Variants in CCAR1 observed in about 807,000 individuals in gnomAD.
CCAR1 encodes the protein cell division cycle and apoptosis regulator protein 1.
In CCAR1, 78 loss-of-function variants were observed where a neutral mutation model predicts 163.8. The observed-to-expected ratio is 0.48, with a 90% CI of 0.40 to 0.57. CCAR1 has a LOEUF of 0.57. CCAR1 is among the 20% of genes least tolerant of loss of function. The probability of loss-of-function intolerance (pLI) is 0.00; values close to 1 mark genes in which losing one functional copy is unlikely to be tolerated. For missense variants in CCAR1, 1,019 were observed against 1,365.2 expected (o/e 0.75, Z 4.00); for synonymous variants, 443 against 460.7 (o/e 0.96, Z 0.49).
intron 2 of CCAR1, among the ~76,000 whole-genome samples, chr10:68,722,781 G>C (rs1220736356): frequency 6.6e-6 from 1 of 152,060 alleles, no homozygotes; most frequent in Non-Finnish European, 1.5e-5. Flanking sequence ...AATTAGCCGG[G>C]CCTGGTGGCA....
At chr10:68,746,707 AT>A (rs2133344998) in intron 6 of CCAR1, among the ~76,000 whole-genome samples, 1 of 151,884 alleles carries the variant, frequency 6.6e-6, no homozygotes, top group South Asian at 2.1e-4. Flanking sequence ...CCTCCTGAGT[AT>A]TTGGGATTAC....
intron 12 of CCAR1, among the ~76,000 whole-genome samples, 158 bp downstream of exon 12, chr10:68,754,985 C>T (rs906107099): frequency 2.0e-5 from 3 of 152,180 alleles, no homozygotes; most frequent in Admixed American, 6.5e-5. Flanking sequence ...ATGTTTTTCT[C>T]ATTGCAGATT....
chr10:68,749,519 T>C lies in CCAR1; in HGVS notation c.957-5T>C. 1 of 1,604,844 alleles carries C rather than the reference T, an allele frequency of 6.2e-7. No homozygotes were observed. The highest frequency in any genetic ancestry group is 8.5e-7 in the Non-Finnish European group (1 of 1,176,918). ...ATTAGTAATTTTAGAAAAATTTGCT[T>C]TCAGTCGTGAGAGAGAGAGAGAAAG... On this transcript the variant is annotated splice_region_variant and splice_polypyrimidine_tract_variant and intron_variant, in intron 9 of 24. Coordinates refer to ENST00000265872, the MANE Select transcript of CCAR1 (RefSeq NM_018237.4).
rs184878423 is a variant in CCAR1, at chr10:68,775,027, G to A, written c.2650+1928G>A. The A allele has an allele frequency of 1.0e-4, 34 of 341,212 alleles. No homozygotes were observed. The East Asian group carries it at 3.4e-3, about 34-fold the overall frequency. 21.1% of individuals were successfully genotyped at this position (341,212 alleles called of 1,614,324 possible). A position where few individuals can be genotyped will look rare whatever the true frequency, so the allele number is the denominator to read the frequency against. ...ACATTTTCTTCTCTCTACCATATCA[G>A]TTTTTAATATTGTTTAATGAAAAAG... On this transcript the variant is annotated intron_variant, in intron 19 of 24. Transcript: ENST00000265872.
At position 68,781,078 on chromosome 10, in the gene CCAR1, AC is replaced by A. The variant is rs2056729570; in HGVS notation, c.2651-5057del. Among the ~76,000 whole-genome samples, 9 of 152,140 alleles carry A rather than the reference AC, an allele frequency of 5.9e-5. No individual in the cohort carries two copies. The South Asian group carries it at 1.9e-3, about 32-fold the overall frequency. On this transcript the variant is annotated intron_variant, in intron 19 of 24. Coordinates refer to ENST00000265872, the MANE Select transcript of CCAR1 (RefSeq NM_018237.4). Reference sequence around the variant, plus strand: ...GAAACCCTGTCTCTACTAAAAATACACAAAATAGCCAGGTGTGGTGGTGTAC... The same window carrying A: ...GAAACCCTGTCTCTACTAAAAATACAAAAATAGCCAGGTGTGGTGGTGTAC...
Position 68,737,000 on chromosome 10 carries a change from T to G in CCAR1, c.198T>G (p.Thr66=). 6.2e-7 allele frequency: 1 copy of G among 1,613,894 alleles called. No individual in the cohort carries two copies. Among genetic ancestry groups the G allele is most frequent in the South Asian group, 1.1e-5 (1 of 91,072 alleles). Residue 66 remains threonine, a synonymous_variant, in exon 3 of 25, where the codon ACT becomes ACG. Coordinates refer to ENST00000265872, the MANE Select transcript of CCAR1 (RefSeq NM_018237.4). The part of the protein sequence containing the change: ...QTPANYQLTQ[T]AALQQQAAAA... ...CAGCAAACTATCAGTTAACACAAAC[T>G]GCTGCATTGCAGCAACAAGCCGCAG... is the stretch of plus-strand genomic sequence containing the variant.
intron 11 of CCAR1, among the ~76,000 whole-genome samples, chr10:68,754,338 G>C (rs2056372837): frequency 6.6e-6 from 1 of 152,168 alleles, no homozygotes; most frequent in African/African-American, 2.4e-5. Flanking sequence ...GAGATATTTG[G>C]AATGTTGTAT....
rs2056395116 is a variant in CCAR1, at chr10:68,756,133, G to A, written c.1626-140G>A. On this transcript the variant is annotated intron_variant, in intron 13 of 24. Transcript: ENST00000265872. The surrounding 1 kb of genome is among the most constrained non-coding windows in gnomAD (Gnocchi z 5.1). The stretch of plus-strand genomic sequence containing the variant: ...CAAATGTACCAAAAGAGGAACTATG[G>A]CTTCTATAATTTTTTTTTCTTTAGA... 1.6e-6 allele frequency: 1 copy of A among 614,206 alleles called. No homozygotes were observed. Among genetic ancestry groups the A allele is most frequent in the African/African-American group, 1.9e-5 (1 of 53,942 alleles). 38.0% of individuals were successfully genotyped at this position (614,206 alleles called of 1,614,324 possible).
intron 5 of CCAR1, 124 bp downstream of exon 5, chr10:68,740,785 T>C: frequency 1.4e-6 from 1 of 700,668 alleles, no homozygotes. Context: ...AATTTAGGAA[T>C]ATAATGCTAA....
Position 68,744,766 on chromosome 10 carries a change from T to G in CCAR1, c.518+2197T>G, listed in dbSNP as rs564614112. The stretch of plus-strand genomic sequence containing the variant: ...GGGTGGTAAATTATTAATTTCACTT[T>G]AAACTCATGTTTATAAGGGTGAAAC... On this transcript the variant is annotated intron_variant, in intron 6 of 24. Coordinates refer to ENST00000265872, the MANE Select transcript of CCAR1 (RefSeq NM_018237.4). Among the ~76,000 whole-genome samples, 8 of 151,956 alleles carry G rather than the reference T, an allele frequency of 5.3e-5. No homozygotes were observed. In the South Asian group the frequency reaches 1.7e-3, roughly 32 times the overall value.
At chr10:68,783,859 G>A (rs1435169346) in intron 19 of CCAR1, among the ~76,000 whole-genome samples, 2 of 151,078 alleles carry the variant, frequency 1.3e-5, no homozygotes, top group African/African-American at 4.9e-5. Context: ...CTGGGTTCAC[G>A]CCATTCTGCC....
At chr10:68,787,453 A>G (rs894606070) in intron 21 of CCAR1, among the ~76,000 whole-genome samples, 6 of 152,060 alleles carry the variant, frequency 3.9e-5, no homozygotes, top group African/African-American at 9.7e-5. Context: ...CTGTGCATAA[A>G]TTTTTATCAA....
intron 19 of CCAR1, among the ~76,000 whole-genome samples, chr10:68,781,467 C>T (rs2056735274): frequency 6.6e-6 from 1 of 152,056 alleles, no homozygotes; most frequent in African/African-American, 2.4e-5. Flanking sequence ...CACTTGAACC[C>T]AGGATGCAGG....
intron 2 of CCAR1, among the ~76,000 whole-genome samples, chr10:68,729,565 G>A (rs1415131848): frequency 5.9e-5 from 9 of 151,828 alleles, no homozygotes; most frequent in South Asian, 2.1e-4. Flanking sequence ...CACCGCGCCC[G>A]GCTCTTGGTG....
chr10:68,752,952 GATAGA>G (rs1427676691), intron 10 of CCAR1, among the ~76,000 whole-genome samples: 3 of 150,972 alleles, frequency 2.0e-5, no homozygotes, highest in Non-Finnish European at 3.0e-5. Context: ...TCTGTCTGTA[GATAGA>G]ATAGATAGAT....
intron 19 of CCAR1, among the ~76,000 whole-genome samples, chr10:68,785,482 A>G (rs1392014134): frequency 1.3e-5 from 2 of 152,116 alleles, no homozygotes; most frequent in Non-Finnish European, 2.9e-5. Context: ...TCAGCCTCCC[A>G]AAGTGCTGGG....
chr10:68,753,791 A>T, intron 10 of CCAR1, 61 bp from the exon 11 acceptor site: 1 of 1,208,706 alleles, frequency 8.3e-7, no homozygotes, highest in South Asian at 1.3e-5. Context: ...CTACAGAATT[A>T]AATGTTTGTG....
chr10:68,747,707 A>T, intron 8 of CCAR1, 141 bp downstream of exon 8: 1 of 622,884 alleles, frequency 1.6e-6, no homozygotes, highest in Non-Finnish European at 2.7e-6. Flanking sequence ...CTACTTCCAT[A>T]GCTATGTGGA....
Position 68,789,852 on chromosome 10 carries a change from A to G in CCAR1, c.3330A>G (p.Gln1110=), listed in dbSNP as rs1293550697. ...ACATGAATTTACAATTTGAAAACCA[A>G]ATGAATAAGACAATCAGAAACTTAT... ...SENMNLQFEN[Q]MNKTIRNLST... Residue 1110 remains glutamine (Q), a synonymous_variant, in exon 24 of 25, where the codon CAA becomes CAG. Transcript: ENST00000265872. 1 of 1,607,970 alleles carries G rather than the reference A, an allele frequency of 6.2e-7. No individual in the cohort carries two copies. The highest frequency in any genetic ancestry group is 8.5e-7 in the Non-Finnish European group (1 of 1,177,896).
Sources: gnomAD v4.1 joint callset for allele counts (sites outside exome capture counted in the v4.1 genomes callset) on GRCh38, gnomAD v4.1.1 for gene constraint, Gnocchi (gnomAD v3.1) non-coding constraint, MANE v1.5 for transcripts, NCBI Gene and HGNC (gene_info 2026-07-23, HGNC 2026-07-21) for gene names.